Variants in TCERG1L observed in about 807,000 individuals in gnomAD.
TCERG1L encodes transcription elongation regulator 1-like protein.
In TCERG1L, 37 loss-of-function variants were observed where a neutral mutation model predicts 56.3. The ratio of observed to expected loss-of-function variants is 0.66; its 90% CI spans 0.51 to 0.87. TCERG1L has a LOEUF of 0.87. Ranked by LOEUF, TCERG1L falls within the 40% of genes least tolerant of loss-of-function variation. TCERG1L has a pLI of 0.00. For synonymous variants in TCERG1L, 324 were observed against 326.3 expected, an observed-to-expected ratio of 0.99 and a Z score of 0.08; for missense variants, 799 against 774.2, an observed-to-expected ratio of 1.03 and a Z score of -0.38.
At chr10:131,184,214 C>T (rs1412216790) in intron 4 of TCERG1L, among the ~76,000 whole-genome samples, 3 of 152,234 alleles carry the variant, frequency 2.0e-5, no homozygotes, top group African/African-American at 7.2e-5. Flanking sequence ...AAACGTGGCC[C>T]ATATTTCTAT....
At chr10:131,175,210 A>G (rs1434251200) in intron 4 of TCERG1L, among the ~76,000 whole-genome samples, 1 of 152,182 alleles carries the variant, frequency 6.6e-6, no homozygotes, top group Non-Finnish European at 1.5e-5. Flanking sequence ...AGATGCAGGA[A>G]GTGCTGCACC....
intron 9 of TCERG1L, among the ~76,000 whole-genome samples, chr10:131,107,818 A>T (rs1170249200): frequency 6.6e-6 from 1 of 152,210 alleles, no homozygotes; most frequent in Non-Finnish European, 1.5e-5. Context: ...ACACACATGC[A>T]AACACATGAA....
chr10:131,124,280 C>T (rs542664113), intron 8 of TCERG1L, among the ~76,000 whole-genome samples: 1 of 152,138 alleles, frequency 6.6e-6, no homozygotes, highest in Admixed American at 6.5e-5. Context: ...CCTATGCAGC[C>T]GAGCTCCAGA....
At position 131,146,664 on chromosome 10, in the gene TCERG1L, T is replaced by C. The variant is rs982039852; in HGVS notation, c.1035-4A>G. On this transcript the variant is annotated splice_polypyrimidine_tract_variant and splice_region_variant and intron_variant, in intron 6 of 11. Coordinates refer to ENST00000368642, the MANE Select transcript of TCERG1L (RefSeq NM_174937.4). ...ATCGCCCGTCCAGACCACACACCTG[T>C]TTGAGTGGAAAAACTCATCTCAGTC... 1.9e-6 allele frequency: 3 copies of C among 1,606,646 alleles called. No individual in the cohort carries two copies. The highest frequency in any genetic ancestry group is 2.6e-6 in the Non-Finnish European group (3 of 1,176,036).
chr10:131,254,165 G>A (rs1273533731), intron 4 of TCERG1L, among the ~76,000 whole-genome samples: 1 of 152,018 alleles, frequency 6.6e-6, no homozygotes, highest in African/African-American at 2.4e-5. Context: ...AGACTGGGAA[G>A]GCACCATCAG....
intron 3 of TCERG1L, among the ~76,000 whole-genome samples, chr10:131,276,120 C>T (rs141393750): frequency 2.0e-5 from 3 of 152,288 alleles, no homozygotes; most frequent in Non-Finnish European, 4.4e-5. Context: ...AAGATCTATT[C>T]AATGTGTGGC....
chr10:131,113,734 A>T (rs909614024), intron 9 of TCERG1L, among the ~76,000 whole-genome samples: 1 of 141,950 alleles, frequency 7.0e-6, no homozygotes, highest in African/African-American at 2.5e-5. Context: ...GGGACCCCTG[A>T]AAAGGACCAG....
chr10:131,185,776 T>C (rs67234331), intron 4 of TCERG1L, among the ~76,000 whole-genome samples: 4,270 of 152,078 alleles, frequency 0.028, 65 homozygotes, highest in Non-Finnish European at 0.038. Context: ...TGGCTGAATG[T>C]AAAATGGTTC....
chr10:131,126,378 G>A lies in TCERG1L; in HGVS notation c.1259+8001C>T, dbSNP rs115970108. Among the ~76,000 whole-genome samples the A allele has an allele frequency of 6.4e-3, 974 of 152,322 alleles. 13 individuals carry two copies. The highest frequency in any genetic ancestry group is 0.022 in the African/African-American group (909 of 41,580). On this transcript the variant is annotated intron_variant, in intron 8 of 11. Transcript: ENST00000368642. ...GAGAGGCAGGCTCACCAAGGCCTGG[G>A]AAGAGCTGAAGTCTCTCCCAGCTGA...
At chr10:131,301,927 C>T (rs892611629) in intron 3 of TCERG1L, among the ~76,000 whole-genome samples, 1 of 151,888 alleles carries the variant, frequency 6.6e-6, no homozygotes, top group Non-Finnish European at 1.5e-5. Flanking sequence ...AAATAATTGA[C>T]CTGAGCTTAA....
At chr10:131,297,625 T>C (rs922547936) in intron 3 of TCERG1L, among the ~76,000 whole-genome samples, 4 of 152,206 alleles carry the variant, frequency 2.6e-5, no homozygotes, top group African/African-American at 9.6e-5. Context: ...TTTTATTTTC[T>C]GAACAAGTTT....
chr10:131,203,542 G>A (rs1411306802), intron 4 of TCERG1L, among the ~76,000 whole-genome samples: 1 of 152,140 alleles, frequency 6.6e-6, no homozygotes. Flanking sequence ...ATGGGAAAAC[G>A]CCCCCGTCAT....
intron 3 of TCERG1L, among the ~76,000 whole-genome samples, chr10:131,295,735 A>G (rs939792784): frequency 4.6e-5 from 7 of 152,202 alleles, no homozygotes. Flanking sequence ...GGAAACATTC[A>G]ATATTCCAAT....
chr10:131,294,015 A>G (rs927641114), intron 3 of TCERG1L, among the ~76,000 whole-genome samples: 12 of 152,102 alleles, frequency 7.9e-5, no homozygotes, highest in African/African-American at 2.9e-4. Context: ...TCCTGAGTGT[A>G]CTTCCTGGTG....
intron 9 of TCERG1L, among the ~76,000 whole-genome samples, chr10:131,106,280 T>C (rs1235163325): frequency 6.6e-6 from 1 of 152,222 alleles, no homozygotes; most frequent in Non-Finnish European, 1.5e-5. Flanking sequence ...AGTGCCGGTC[T>C]AGGAGCTAAC....
At chr10:131,202,049 G>A (rs1292945018) in intron 4 of TCERG1L, among the ~76,000 whole-genome samples, 1 of 152,172 alleles carries the variant, frequency 6.6e-6, no homozygotes, top group Non-Finnish European at 1.5e-5. Context: ...CAGAACTGCT[G>A]GGTTAAACAG....
At chr10:131,194,768 C>T (rs1005134587) in intron 4 of TCERG1L, among the ~76,000 whole-genome samples, 8 of 152,138 alleles carry the variant, frequency 5.3e-5, no homozygotes, top group African/African-American at 9.7e-5. Context: ...CAGCATCAGC[C>T]GAATAATCCA....
chr10:131,281,140 A>G (rs1164058231), intron 3 of TCERG1L, among the ~76,000 whole-genome samples: 1 of 152,232 alleles, frequency 6.6e-6, no homozygotes, highest in African/African-American at 2.4e-5. Flanking sequence ...TCTACTAGCA[A>G]CAGTCATTAA....
rs528234448 is a variant in TCERG1L, at chr10:131,218,136, G to C, written c.856+42123C>G. Among the ~76,000 whole-genome samples the C allele has an allele frequency of 4.9e-4, 74 of 152,272 alleles. 2 individuals carry two copies. In the South Asian group the frequency reaches 0.01, roughly 21 times the overall value. ...GGACACAGCCCATTTTTTCCCACCT[G>C]TGTCCCTTCCTGTTCTCATTACTGC... On this transcript the variant is annotated intron_variant, in intron 4 of 11. Transcript: ENST00000368642.
Sources: gnomAD v4.1 joint callset for allele counts (sites outside exome capture counted in the v4.1 genomes callset) on GRCh38, gnomAD v4.1.1 for gene constraint, MANE v1.5 for transcripts, NCBI Gene and HGNC (gene_info 2026-07-23, HGNC 2026-07-21) for gene names.